Variants in RAB9B observed in about 807,000 individuals in gnomAD.
RAB9B encodes ras-related protein Rab-9B.
A neutral mutation model predicts 8.9 loss-of-function variants in RAB9B; 1 was observed. That is an observed-to-expected ratio of 0.11 (90% CI 0.04 to 0.53). RAB9B has a LOEUF of 0.53. Among genes scored for constraint, RAB9B ranks in the 20% least tolerant of loss-of-function variants. The probability of loss-of-function intolerance (pLI) is 0.93; values close to 1 mark genes in which losing one functional copy is unlikely to be tolerated. For missense variants in RAB9B, 82 were observed against 152.9 expected, an observed-to-expected ratio of 0.54 and a Z score of 2.45; for synonymous variants, 63 against 57.0, an observed-to-expected ratio of 1.10 and a Z score of -0.47.
chrX:103,784,447 C>T, the RAB9B span, among the ~76,000 whole-genome samples: 2 of 111,613 alleles, frequency 1.8e-5, no homozygotes, highest in African/African-American at 6.5e-5. Context: ...AATCATTAAG[C>T]CTGCATTTTT....
chrX:103,831,473 C>G (rs897408134), intron 1 of RAB9B, among the ~76,000 whole-genome samples: 2 of 100,410 alleles, frequency 2.0e-5, no homozygotes, highest in Admixed American at 1.1e-4. Flanking sequence ...TAACCTTTCA[C>G]TGCTCACAAC....
chrX:103,777,617 T>C, the RAB9B span, among the ~76,000 whole-genome samples: 3 of 111,996 alleles, frequency 2.7e-5, no homozygotes, highest in Admixed American at 9.5e-5. Context: ...CATATAGGGT[T>C]GATCATTTCT....
downstream of RAB9B, among the ~76,000 whole-genome samples, chrX:103,818,003 A>G (rs1350718831): frequency 9.0e-6 from 1 of 111,498 alleles, no homozygotes; most frequent in Non-Finnish European, 1.9e-5. Flanking sequence ...ATGGCAGTAT[A>G]TTTTTAAAAT....
the RAB9B span, among the ~76,000 whole-genome samples, chrX:103,797,249 G>C: frequency 9.2e-6 from 1 of 108,813 alleles, no homozygotes; most frequent in Admixed American, 9.8e-5. Flanking sequence ...ACCATGCTCA[G>C]TGCTAATTTA....
chrX:103,803,306 C>T, the RAB9B span, among the ~76,000 whole-genome samples: 2 of 112,297 alleles, frequency 1.8e-5, no homozygotes, highest in Non-Finnish European at 3.8e-5. Context: ...CAACATTCTA[C>T]ATTTCCAATA....
At chrX:103,794,042 C>A in the RAB9B span, among the ~76,000 whole-genome samples, 1 of 111,575 alleles carries the variant, frequency 9.0e-6, no homozygotes, top group African/African-American at 3.3e-5. Context: ...GTGTTAAACC[C>A]CAGGAAGTTC....
chrX:103,803,012 T>C, the RAB9B span, among the ~76,000 whole-genome samples: 1 of 112,270 alleles, frequency 8.9e-6, no homozygotes, highest in South Asian at 3.7e-4. Context: ...CTTTGTTCCA[T>C]TTTATTGTCA....
the RAB9B span, among the ~76,000 whole-genome samples, chrX:103,800,985 T>C: frequency 8.9e-6 from 1 of 111,931 alleles, no homozygotes; most frequent in Admixed American, 9.5e-5. Flanking sequence ...GAAAAAAGAA[T>C]GAGATAAACT....
At chrX:103,807,327 A>T in the RAB9B span, among the ~76,000 whole-genome samples, 1 of 111,546 alleles carries the variant, frequency 9.0e-6, no homozygotes, top group Non-Finnish European at 1.9e-5. Context: ...TCTAGCCCCA[A>T]GTCTGATCTA....
At chrX:103,786,871 AG>A in the RAB9B span, 1 of 625,272 alleles carries the variant, frequency 1.6e-6, no homozygotes, top group Admixed American at 2.6e-5. Context: ...CCGAACGAGA[AG>A]GTCAGGAAGA....
the RAB9B span, among the ~76,000 whole-genome samples, chrX:103,814,916 A>G: frequency 8.9e-6 from 1 of 111,852 alleles, no homozygotes. Context: ...TAGACCAATA[A>G]CAGGTTCTGA....
chrX:103,787,593 A>G, the RAB9B span: 1 of 443,905 alleles, frequency 2.3e-6, no homozygotes, highest in Admixed American at 3.5e-5. Flanking sequence ...CATTCCCCCC[A>G]CCCTCCGTTA....
the RAB9B span, among the ~76,000 whole-genome samples, chrX:103,794,133 A>C: frequency 8.9e-6 from 1 of 111,924 alleles, no homozygotes; most frequent in South Asian, 3.7e-4. Context: ...CAGCCATAGC[A>C]GACAGGTCTT....
the RAB9B span, chrX:103,776,542 C>T: frequency 7.2e-6 from 1 of 138,826 alleles, no homozygotes; most frequent in Non-Finnish European, 1.4e-5. Context: ...GCATATCCCA[C>T]ACCAATTAGA....
chrX:103,822,031 C>T (rs551981), downstream of RAB9B, among the ~76,000 whole-genome samples: 2,083 of 111,599 alleles, frequency 0.019, 49 homozygotes, highest in African/African-American at 0.065. Flanking sequence ...GCCATGATTG[C>T]GCCACTGCAC....
At chrX:103,788,983 G>A in the RAB9B span, 2 of 326,466 alleles carry the variant, frequency 6.1e-6, no homozygotes, top group Non-Finnish European at 1.1e-5. Context: ...AATGAGGCAG[G>A]GGAATAAAAG....
At chrX:103,803,421 T>C in the RAB9B span, among the ~76,000 whole-genome samples, 15 of 112,498 alleles carry the variant, frequency 1.3e-4, no homozygotes, top group South Asian at 3.7e-4. Context: ...AATCTCATTA[T>C]GGTTTTGTTT....
the RAB9B span, among the ~76,000 whole-genome samples, chrX:103,814,838 A>G: frequency 8.9e-6 from 1 of 112,275 alleles, no homozygotes. Context: ...AAAATCTAGA[A>G]GAAATGGATA....
the RAB9B span, among the ~76,000 whole-genome samples, chrX:103,806,126 C>A: frequency 9.1e-6 from 1 of 110,129 alleles, no homozygotes; most frequent in African/African-American, 3.3e-5. Flanking sequence ...TTATTTACTT[C>A]TTTCTGCTTG....
Sources: gnomAD v4.1 joint callset for allele counts (sites outside exome capture counted in the v4.1 genomes callset) on GRCh38, gnomAD v4.1.1 for gene constraint, MANE v1.5 for transcripts, NCBI Gene and HGNC (gene_info 2026-07-23, HGNC 2026-07-21) for gene names.